The following TRPC6 variants were observed in gnomAD, a reference collection of about 807,000 sequenced individuals.
TRPC6 encodes transient receptor potential cation channel subfamily C member 6.
A neutral mutation model predicts 90.7 loss-of-function variants in TRPC6; 55 were observed. That is an observed-to-expected ratio of 0.61 (90% confidence interval 0.49 to 0.76). The LOEUF (loss-of-function observed/expected upper bound fraction) is 0.76, where lower values mean the gene tolerates loss of function less well. Ranked by LOEUF, TRPC6 falls within the 30% of genes least tolerant of loss-of-function variation. TRPC6 has a pLI of 0.00. For synonymous variants in TRPC6, 393 were observed against 393.0 expected (o/e 1.00, Z 0.00); for missense variants, 989 against 1,122.7 (o/e 0.88, Z 1.70).
At chr11:101,548,457 GATATAT>G (rs143790648) in intron 1 of TRPC6, among the ~76,000 whole-genome samples, 32,550 of 123,330 alleles carry the variant, frequency 0.26, 4,298 homozygotes, top group East Asian at 0.6. Context: ...TATATATACT[GATATAT>G]ATATATATAT....
intron 1 of TRPC6, among the ~76,000 whole-genome samples, chr11:101,576,047 C>T (rs1450314784): frequency 6.6e-6 from 1 of 152,178 alleles, no homozygotes; most frequent in East Asian, 1.9e-4. Flanking sequence ...CCATGGTCCA[C>T]GTGTTCCAGC....
intron 5 of TRPC6, among the ~76,000 whole-genome samples, chr11:101,477,146 C>T (rs1186651795): frequency 6.6e-6 from 1 of 151,218 alleles, no homozygotes; most frequent in Non-Finnish European, 1.5e-5. Flanking sequence ...TCAAGGATTT[C>T]ATGACAGCCT....
chr11:101,576,710 A>G (rs112601842), intron 1 of TRPC6, among the ~76,000 whole-genome samples: 3 of 152,212 alleles, frequency 2.0e-5, no homozygotes, highest in African/African-American at 7.2e-5. Flanking sequence ...TGGACTCAAG[A>G]AAATGTTTTC....
At chr11:101,535,366 C>G (rs909761856) in intron 1 of TRPC6, among the ~76,000 whole-genome samples, 1 of 149,440 alleles carries the variant, frequency 6.7e-6, no homozygotes, top group Non-Finnish European at 1.5e-5. Context: ...ACCTTAGTTA[C>G]TAGCCCACTT....
In TRPC6 at chr11:101,464,359, CTTGTT is replaced by C. The variant is rs558764011; in HGVS notation, c.2484+5063_2484+5067del. Among the ~76,000 whole-genome samples the C allele has an allele frequency of 2.5e-3, 384 of 152,176 alleles. 3 individuals carry two copies. The highest frequency in any genetic ancestry group is 8.9e-3 in the African/African-American group (370 of 41,520). On this transcript the variant is annotated intron_variant, in intron 10 of 12. Coordinates refer to ENST00000344327, the MANE Select transcript of TRPC6 (RefSeq NM_004621.6). ...GTCCCTAATATCTTTAATTTTCTGT[CTTGTT>C]GATCTGTCTAATATTGAGATTGGGA...
intron 2 of TRPC6, among the ~76,000 whole-genome samples, chr11:101,502,397 C>T (rs1473921235): frequency 6.6e-6 from 1 of 152,208 alleles, no homozygotes; most frequent in Non-Finnish European, 1.5e-5. Context: ...TGTACTACCT[C>T]GCCATCCTCA....
At chr11:101,486,802 T>G (rs143189398) in intron 4 of TRPC6, among the ~76,000 whole-genome samples, 45 of 152,262 alleles carry the variant, frequency 3.0e-4, no homozygotes, top group Non-Finnish European at 5.1e-4. Context: ...AAGCACCAAT[T>G]TAGCTGAAGC....
intron 1 of TRPC6, among the ~76,000 whole-genome samples, chr11:101,552,299 A>G (rs12362645): frequency 0.1 from 15,608 of 152,152 alleles, 904 homozygotes; most frequent in Middle Eastern, 0.14. Flanking sequence ...GGAGAAATCA[A>G]CGTAACCCAT....
chr11:101,546,050 CTTTTTTTTTTTT>C (rs1166182552), intron 1 of TRPC6, among the ~76,000 whole-genome samples: 13 of 29,722 alleles, frequency 4.4e-4, no homozygotes, highest in Non-Finnish European at 6.2e-4. Flanking sequence ...ATTTATAACT[CTTTTTTTTTTTT>C]TTTTTTTTTT....
At chr11:101,558,252 T>C (rs914212087) in intron 1 of TRPC6, among the ~76,000 whole-genome samples, 1 of 138,630 alleles carries the variant, frequency 7.2e-6, no homozygotes, top group African/African-American at 2.7e-5. Flanking sequence ...CATGTATATA[T>C]GTATACATGT....
chr11:101,488,279 T>C (rs1237901295), intron 4 of TRPC6, among the ~76,000 whole-genome samples: 1 of 152,232 alleles, frequency 6.6e-6, no homozygotes, highest in African/African-American at 2.4e-5. Context: ...GTCACACTAA[T>C]GAAAGGCTAG....
Position 101,583,490 on chromosome 11 carries a change from G to T in TRPC6, c.14C>A (p.Pro5Gln). The T allele has an allele frequency of 6.7e-7, 1 of 1,502,408 alleles. No individual in the cohort carries two copies. Among genetic ancestry groups the T allele is most frequent in the Non-Finnish European group, 8.9e-7 (1 of 1,124,466 alleles). 93.1% of individuals were successfully genotyped at this position (1,502,408 alleles called of 1,614,324 possible). A position where few individuals can be genotyped will look rare whatever the true frequency, so the allele number is the denominator to read the frequency against. Residue 5 changes from proline (P) to glutamine (Q), a missense_variant, in exon 1 of 13, where the codon CCG becomes CAG. Pro to Gln is a moderately conservative substitution (Grantham distance 76). This residue lies in a region of TRPC6 where 194 missense variants were observed against 136.5 expected (regional missense o/e 1.42). Transcript: ENST00000344327. MSQS[P>Q]AFGPRRGSSP... ...ACTGCCCCTCCGGGGCCCGAACGCC[G>T]GGCTCTGGCTCATGGCGGGAACGCC...
At chr11:101,531,672 ACTG>A (rs1713646000) in intron 1 of TRPC6, among the ~76,000 whole-genome samples, 1 of 152,230 alleles carries the variant, frequency 6.6e-6, no homozygotes, top group Non-Finnish European at 1.5e-5. Flanking sequence ...ATACTATTTT[ACTG>A]CCTACCATAT....
chr11:101,549,971 A>C (rs1861414791), intron 1 of TRPC6, among the ~76,000 whole-genome samples: 1 of 151,546 alleles, frequency 6.6e-6, no homozygotes, highest in Non-Finnish European at 1.5e-5. Context: ...AGTATACAAG[A>C]CTGATACCAA....
chr11:101,490,244 A>T (rs936219593), intron 3 of TRPC6, among the ~76,000 whole-genome samples: 1 of 152,216 alleles, frequency 6.6e-6, no homozygotes, highest in Non-Finnish European at 1.5e-5. Context: ...TAACAATGCA[A>T]CCTTTAAAAA....
At chr11:101,557,217 T>C (rs1850048007) in intron 1 of TRPC6, among the ~76,000 whole-genome samples, 1 of 152,072 alleles carries the variant, frequency 6.6e-6, no homozygotes, top group African/African-American at 2.4e-5. Context: ...TAGCCAGGCA[T>C]GGTGGCACAT....
intron 1 of TRPC6, among the ~76,000 whole-genome samples, chr11:101,531,296 C>A (rs926142762): frequency 6.6e-6 from 1 of 152,072 alleles, no homozygotes; most frequent in Non-Finnish European, 1.5e-5. Context: ...ATATTAGTAC[C>A]AGCACTTTAC....
intron 1 of TRPC6, among the ~76,000 whole-genome samples, chr11:101,572,936 A>C (rs1313532183): frequency 6.6e-6 from 1 of 152,104 alleles, no homozygotes; most frequent in African/African-American, 2.4e-5. Context: ...ACAGCAAACC[A>C]CCATGGCATG....
Position 101,473,643 on chromosome 11 carries a change from T to C in TRPC6, c.1875A>G (p.Ile625Met). Residue 625 changes from isoleucine (I) to methionine (M), a missense_variant, in exon 7 of 13, where the codon ATA (isoleucine) becomes ATG (methionine). By Grantham distance (10) the Ile-to-Met change is conservative. This residue lies in a region of TRPC6 where 118 missense variants were observed against 197.6 expected (regional missense o/e 0.60). Coordinates refer to ENST00000344327, the MANE Select transcript of TRPC6 (RefSeq NM_004621.6). ...PANESFGPLQ[I>M]SLGRTVKDIF... is the part of the protein sequence containing the mutation. ...TGTCTTTGACTGTTCTTCCAAGTGA[T>C]ATCTGCAGAGGTCCAAAGCTTTCAT... The C allele has an allele frequency of 1.9e-6, 3 of 1,613,836 alleles. No homozygotes were observed. The highest frequency in any genetic ancestry group is 2.5e-6 in the Non-Finnish European group (3 of 1,179,812).
Sources: gnomAD v4.1 joint callset for allele counts (sites outside exome capture counted in the v4.1 genomes callset) on GRCh38, gnomAD v4.1.1 for gene constraint, gnomAD v4.1.1 regional missense constraint, MANE v1.5 for transcripts, NCBI Gene and HGNC (gene_info 2026-07-23, HGNC 2026-07-21) for gene names.